SHC4: variants seen among roughly 807,000 people sequenced by gnomAD.
SHC4 encodes SHC adaptor protein 4.
A neutral mutation model predicts 69.4 loss-of-function variants in SHC4; 41 were observed. That is an observed-to-expected ratio of 0.59 (90% CI 0.46 to 0.77). The LOEUF (loss-of-function observed/expected upper bound fraction) is 0.77. Among genes scored for constraint, SHC4 ranks in the 30% least tolerant of loss-of-function variants. The pLI is 0.00. For synonymous variants in SHC4, 318 were observed against 299.3 expected, an observed-to-expected ratio of 1.06 and a Z score of -0.64; for missense variants, 777 against 783.8, an observed-to-expected ratio of 0.99 and a Z score of 0.10.
At chr15:48,922,137 A>C (rs1028038376) in intron 2 of SHC4, among the ~76,000 whole-genome samples, 1 of 152,212 alleles carries the variant, frequency 6.6e-6, no homozygotes, top group Non-Finnish European at 1.5e-5. Context: ...TGCAGTAAAT[A>C]AGCACTTCTT....
chr15:48,935,892 A>G (rs1426721591), intron 1 of SHC4, among the ~76,000 whole-genome samples: 1 of 152,158 alleles, frequency 6.6e-6, no homozygotes, highest in Non-Finnish European at 1.5e-5. Context: ...ATGCTATAAT[A>G]ATAGCATTAT....
chr15:48,914,426 G>A (rs949956440), intron 2 of SHC4, among the ~76,000 whole-genome samples: 5 of 152,106 alleles, frequency 3.3e-5, no homozygotes, highest in East Asian at 3.9e-4. Flanking sequence ...GTGATTTTGC[G>A]GTTGCAGAAG....
At chr15:48,914,381 T>C (rs1900577439) in intron 2 of SHC4, among the ~76,000 whole-genome samples, 1 of 152,230 alleles carries the variant, frequency 6.6e-6, no homozygotes, top group Admixed American at 6.5e-5. Flanking sequence ...GCCTCAACTT[T>C]CCCTTCTTTA....
intron 6 of SHC4, among the ~76,000 whole-genome samples, chr15:48,862,567 G>A (rs1379205612): frequency 3.3e-5 from 5 of 152,114 alleles, no homozygotes; most frequent in Admixed American, 1.3e-4. Flanking sequence ...GGGAAGCTTC[G>A]GGATTGTCAG....
chr15:48,878,376 C>T, intron 4 of SHC4: 2 of 1,612,602 alleles, frequency 1.2e-6, no homozygotes, highest in South Asian at 1.1e-5. Flanking sequence ...CAGCCAATGG[C>T]GGCGCCAGAG....
At chr15:48,838,270 A>G (rs1343024592) in intron 10 of SHC4, among the ~76,000 whole-genome samples, 4 of 152,236 alleles carry the variant, frequency 2.6e-5, no homozygotes, top group African/African-American at 9.6e-5. Context: ...GAATGTGCAC[A>G]TTGGGTGATT....
At chr15:48,867,677 T>G in intron 6 of SHC4, 141 bp downstream of exon 6, 1 of 625,814 alleles carries the variant, frequency 1.6e-6, no homozygotes, top group Non-Finnish European at 2.7e-6. Context: ...TATTTCCAAC[T>G]CAAATTTGCA....
At chr15:48,857,102 C>T (rs1899335740) in intron 7 of SHC4, among the ~76,000 whole-genome samples, 1 of 152,198 alleles carries the variant, frequency 6.6e-6, no homozygotes, top group Non-Finnish European at 1.5e-5. Flanking sequence ...CTGCATTCCA[C>T]ACTTGGTGAG....
At chr15:48,923,434 C>T (rs943242925) in intron 2 of SHC4, among the ~76,000 whole-genome samples, 2 of 151,040 alleles carry the variant, frequency 1.3e-5, no homozygotes, top group African/African-American at 2.4e-5. Context: ...CCTGTAGTCC[C>T]GGCTACTCAG....
At chr15:48,918,411 C>T (rs74924303) in intron 2 of SHC4, among the ~76,000 whole-genome samples, 2,085 of 152,330 alleles carry the variant, frequency 0.014, 64 homozygotes, top group African/African-American at 0.047. Context: ...TCCCACCCAA[C>T]CTCCCAAATA....
intron 2 of SHC4, among the ~76,000 whole-genome samples, chr15:48,921,674 T>C (rs186806662): frequency 2.8e-4 from 42 of 152,196 alleles, no homozygotes; most frequent in African/African-American, 1.0e-3. Flanking sequence ...ATGCGTACAG[T>C]TTTTCATCTT....
intron 1 of SHC4, among the ~76,000 whole-genome samples, chr15:48,941,453 T>C (rs1761700740): frequency 6.6e-6 from 1 of 152,154 alleles, no homozygotes; most frequent in African/African-American, 2.4e-5. Flanking sequence ...GAGAAATTGA[T>C]ATTTTAACAA....
intron 3 of SHC4, among the ~76,000 whole-genome samples, chr15:48,886,424 G>A (rs1900037382): frequency 1.3e-5 from 2 of 152,052 alleles, no homozygotes; most frequent in Non-Finnish European, 2.9e-5. Flanking sequence ...TATTATATAG[G>A]AGACAAAGTC....
chr15:48,825,852 G>A lies in SHC4; in HGVS notation c.*119C>T. On this transcript the variant is annotated 3_prime_UTR_variant, in exon 12 of 12. Transcript: ENST00000332408. ...GAGGACCTGGTCCATGATGGTCTTG[G>A]AAAGATGCACTTCACAGTTTGTGCT... The A allele has an allele frequency of 1.6e-6, 2 of 1,253,142 alleles. No individual in the cohort carries two copies. Among genetic ancestry groups the A allele is most frequent in the Non-Finnish European group, 2.2e-6 (2 of 908,760 alleles). The allele number at this position is 1,253,142 out of a possible 1,614,324, so 77.6% of individuals were successfully genotyped here.
intron 1 of SHC4, among the ~76,000 whole-genome samples, chr15:48,938,770 T>C (rs1484215779): frequency 6.6e-6 from 1 of 152,218 alleles, no homozygotes; most frequent in African/African-American, 2.4e-5. Flanking sequence ...CACTGAGATG[T>C]TGGCATTACT....
Position 48,918,232 on chromosome 15 carries a change from A to G in SHC4, c.656+6647T>C, listed in dbSNP as rs952748462. 3.3e-5 allele frequency among the ~76,000 whole-genome samples: 5 copies of G among 152,128 alleles called. No individual in the cohort carries two copies. In the East Asian group the frequency reaches 9.7e-4, roughly 29 times the overall value. On this transcript the variant is annotated intron_variant, in intron 2 of 11. Coordinates refer to ENST00000332408, the MANE Select transcript of SHC4 (RefSeq NM_203349.4). ...CCACCCTCCCACCCAACTCCCCCAT[A>G]TGTTAACTGGATGGAAATATTTGAT... is the stretch of plus-strand genomic sequence containing the variant.
intron 3 of SHC4, among the ~76,000 whole-genome samples, chr15:48,886,659 A>C (rs1900041270): frequency 6.6e-6 from 1 of 152,214 alleles, no homozygotes; most frequent in Admixed American, 6.5e-5. Flanking sequence ...AGCCATGGGA[A>C]TCTTAGGAGA....
chr15:48,959,451 T>G lies in SHC4; in HGVS notation c.585+2980A>C, dbSNP rs139285786. Among the ~76,000 whole-genome samples, 961 of 152,350 alleles carry G rather than the reference T, an allele frequency of 6.3e-3. 19 individuals carry two copies. The highest frequency in any genetic ancestry group is 0.022 in the African/African-American group (910 of 41,560). On this transcript the variant is annotated intron_variant, in intron 1 of 11. Coordinates refer to ENST00000332408, the MANE Select transcript of SHC4 (RefSeq NM_203349.4). ...CAGTTCCTGCTGCATAATTGATTCA[T>G]AATACATATTTGTTAAATAAATGGA...
At chr15:48,918,034 C>A (rs958756329) in intron 2 of SHC4, among the ~76,000 whole-genome samples, 3 of 152,150 alleles carry the variant, frequency 2.0e-5, no homozygotes, top group South Asian at 4.1e-4. Flanking sequence ...GTATCTGTAG[C>A]GGTAATTACT....
Sources: allele counts gnomAD v4.1 joint callset (sites outside exome capture counted in the v4.1 genomes callset), GRCh38; gene constraint gnomAD v4.1.1; transcripts MANE v1.5; gene names NCBI Gene and HGNC (gene_info 2026-07-23, HGNC 2026-07-21).